GMDS: variants seen among roughly 807,000 people sequenced by gnomAD.
GMDS encodes GDP-mannose 4,6-dehydratase.
Under a neutral mutation model 49.9 loss-of-function variants are expected in GMDS, and 20 were observed. That is an observed-to-expected ratio of 0.40 (90% CI 0.28 to 0.58). GMDS has a LOEUF of 0.58. GMDS is among the 20% of genes least tolerant of loss of function. The pLI is 0.42. For missense variants in GMDS, 362 were observed against 481.4 expected (o/e 0.75, Z 2.32); for synonymous variants, 177 against 178.6 (o/e 0.99, Z 0.07).
At chr6:1,849,508 T>C (rs1338344609) in intron 7 of GMDS, among the ~76,000 whole-genome samples, 2 of 152,186 alleles carry the variant, frequency 1.3e-5, no homozygotes, top group African/African-American at 2.4e-5. Flanking sequence ...TTCTTTTTAC[T>C]CTCCAGACCC....
chr6:1,773,422 G>T (rs1238334635), intron 7 of GMDS, among the ~76,000 whole-genome samples: 3 of 152,240 alleles, frequency 2.0e-5, no homozygotes, highest in Non-Finnish European at 4.4e-5. Context: ...TGTTAGGCAT[G>T]AAATACATGT....
chr6:1,804,003 G>A (rs1361544286), intron 7 of GMDS, among the ~76,000 whole-genome samples: 1 of 152,132 alleles, frequency 6.6e-6, no homozygotes, highest in Non-Finnish European at 1.5e-5. Flanking sequence ...TGAAAGAAGT[G>A]CCAAAATCCT....
intron 4 of GMDS, among the ~76,000 whole-genome samples, chr6:2,059,632 C>T (rs1041633168): frequency 3.1e-4 from 40 of 128,926 alleles, no homozygotes; most frequent in African/African-American, 9.7e-4. Context: ...GGCGTGAACC[C>T]GGGAGGCGGA....
intron 7 of GMDS, among the ~76,000 whole-genome samples, chr6:1,864,442 A>T (rs1436104355): frequency 6.6e-6 from 1 of 152,200 alleles, no homozygotes; most frequent in African/African-American, 2.4e-5. Flanking sequence ...TTAACTAGAG[A>T]TTTATATGAT....
intron 9 of GMDS, among the ~76,000 whole-genome samples, chr6:1,724,260 TATACTC>T (rs1561758385): frequency 6.6e-6 from 1 of 152,180 alleles, no homozygotes; most frequent in East Asian, 1.9e-4. Context: ...ACACCACTCT[TATACTC>T]AAAGAATGCT....
chr6:1,785,411 C>T (rs756308696), intron 7 of GMDS, among the ~76,000 whole-genome samples: 1 of 152,150 alleles, frequency 6.6e-6, no homozygotes, highest in Non-Finnish European at 1.5e-5. Flanking sequence ...ATTCTTTGGG[C>T]CCGCAATTTG....
intron 4 of GMDS, among the ~76,000 whole-genome samples, chr6:2,047,795 C>T (rs1243198109): frequency 1.3e-5 from 2 of 152,130 alleles, no homozygotes; most frequent in East Asian, 1.9e-4. Context: ...AGCCCGTTCA[C>T]ACAATTTTTA....
intron 4 of GMDS, among the ~76,000 whole-genome samples, chr6:2,076,493 C>G (rs1297963362): frequency 2.0e-5 from 3 of 152,202 alleles, no homozygotes; most frequent in Admixed American, 6.5e-5. Context: ...AGGCATCACG[C>G]TACCTGACTT....
chr6:1,642,093 T>G (rs1763348228), intron 9 of GMDS, among the ~76,000 whole-genome samples: 1 of 151,328 alleles, frequency 6.6e-6, no homozygotes, highest in Non-Finnish European at 1.5e-5. Context: ...AACCCTGCTC[T>G]TCAGAAACTA....
At position 2,223,469 on chromosome 6, in the gene GMDS, G is replaced by GAA. The variant is rs397732486; in HGVS notation, c.102+21850_102+21851dup. Among the ~76,000 whole-genome samples, 1,057 of 148,610 alleles carry GAA rather than the reference G, an allele frequency of 7.1e-3. 12 individuals are homozygous for GAA. The highest frequency in any genetic ancestry group is 0.033 in the South Asian group (153 of 4,680). Reference sequence around the variant, plus strand: ...AAAACTCACTGGCAGCAAATGAATGGAAAAAAAAAAGACTGGAAGCAGAAG... The same window carrying GAA: ...AAAACTCACTGGCAGCAAATGAATGGAAAAAAAAAAAAGACTGGAAGCAGAAG... On this transcript the variant is annotated intron_variant, in intron 1 of 10. Transcript: ENST00000380815.
chr6:1,800,014 G>A (rs915692766), intron 7 of GMDS, among the ~76,000 whole-genome samples: 5 of 152,128 alleles, frequency 3.3e-5, no homozygotes, highest in African/African-American at 1.2e-4. Context: ...TGGTCTCAGT[G>A]ATTCAGAGCT....
intron 4 of GMDS, among the ~76,000 whole-genome samples, chr6:2,071,789 A>G (rs1182959346): frequency 6.6e-6 from 1 of 152,148 alleles, no homozygotes; most frequent in African/African-American, 2.4e-5. Context: ...AAAAAGGCAA[A>G]TGATTGCGAA....
chr6:2,170,199 A>AT (rs1777909000), intron 1 of GMDS, among the ~76,000 whole-genome samples: 1 of 144,308 alleles, frequency 6.9e-6, no homozygotes, highest in African/African-American at 2.9e-5. Context: ...ACGAAACTAC[A>AT]TCTCAAAAAA....
intron 9 of GMDS, among the ~76,000 whole-genome samples, chr6:1,698,787 CTT>C (rs10641587): frequency 7.5e-5 from 10 of 133,020 alleles, no homozygotes; most frequent in Non-Finnish European, 1.1e-4. Flanking sequence ...CCTGGTTTCC[CTT>C]TTTTTTTTTT....
chr6:1,890,081 C>A (rs887737782), intron 7 of GMDS, among the ~76,000 whole-genome samples: 2 of 152,080 alleles, frequency 1.3e-5, no homozygotes, highest in African/African-American at 4.8e-5. Flanking sequence ...GATCCCTGTG[C>A]AAGTTTTCAT....
At chr6:2,244,520 G>A (rs1040096672) in intron 1 of GMDS, among the ~76,000 whole-genome samples, 1 of 152,090 alleles carries the variant, frequency 6.6e-6, no homozygotes, top group Non-Finnish European at 1.5e-5. Context: ...AGCACAGCTT[G>A]GTAAGACACA....
chr6:1,695,337 A>G (rs1765302060), intron 9 of GMDS, among the ~76,000 whole-genome samples: 1 of 152,242 alleles, frequency 6.6e-6, no homozygotes, highest in South Asian at 2.1e-4. Context: ...TTGAAACGGT[A>G]GAATGAAATT....
intron 8 of GMDS, among the ~76,000 whole-genome samples, chr6:1,740,233 T>C (rs1237599427): frequency 6.6e-6 from 1 of 152,224 alleles, no homozygotes; most frequent in African/African-American, 2.4e-5. Context: ...GAGTGGCAGA[T>C]ATTAATTTCT....
At chr6:1,627,727 C>G (rs778863579) in intron 9 of GMDS, among the ~76,000 whole-genome samples, 10 of 152,278 alleles carry the variant, frequency 6.6e-5, no homozygotes, top group Non-Finnish European at 1.3e-4. Context: ...ATTTTATGTA[C>G]AGCTTCCCAA....
Sources: allele counts gnomAD v4.1 joint callset (sites outside exome capture counted in the v4.1 genomes callset), GRCh38; gene constraint gnomAD v4.1.1; transcripts MANE v1.5; gene names NCBI Gene and HGNC (gene_info 2026-07-23, HGNC 2026-07-21).